Variants in TMEM62 observed in about 807,000 individuals in gnomAD.
TMEM62 encodes transmembrane protein 62.
A neutral mutation model predicts 70.4 loss-of-function variants in TMEM62; 41 were observed. That is an observed-to-expected ratio of 0.58 (90% CI 0.45 to 0.76). The LOEUF is 0.76. TMEM62 is among the 30% of genes least tolerant of loss of function. The pLI is 0.00. For missense variants in TMEM62, 688 were observed against 788.5 expected (o/e 0.87, Z 1.53); for synonymous variants, 268 against 291.0 (o/e 0.92, Z 0.80).
rs780706370 is a variant in TMEM62, at chr15:43,149,174, G to A, written c.866+23G>A. On this transcript the variant is annotated intron_variant, in intron 7 of 13. Coordinates refer to ENST00000260403, the MANE Select transcript of TMEM62 (RefSeq NM_024956.4). The stretch of plus-strand genomic sequence containing the variant: ...GAGGTAAGGGAACCTCCCCATAGAA[G>A]AAAACTTATACACATAAGTTTTGCC... The A allele has an allele frequency of 3.1e-6, 5 of 1,612,132 alleles. No homozygotes were observed. The South Asian group carries it at 4.4e-5, about 14-fold the overall frequency.
chr15:43,158,828 G>A (rs1375769363), intron 9 of TMEM62, among the ~76,000 whole-genome samples: 1 of 152,116 alleles, frequency 6.6e-6, no homozygotes, highest in African/African-American at 2.4e-5. Context: ...TGCCAAAGGT[G>A]ACTGAGTCTT....
chr15:43,154,927 T>C, intron 9 of TMEM62, 96 bp downstream of exon 9: 1 of 1,175,762 alleles, frequency 8.5e-7, no homozygotes, highest in Non-Finnish European at 1.2e-6. Flanking sequence ...AATGAAACCA[T>C]GTTTAAAAAA....
intron 4 of TMEM62, among the ~76,000 whole-genome samples, chr15:43,140,326 C>T (rs111744819): frequency 8.5e-5 from 13 of 152,304 alleles, no homozygotes; most frequent in Admixed American, 3.9e-4. Context: ...GCCACCTTCT[C>T]GGCCTCCTTC....
rs145916983 is a variant in TMEM62, at chr15:43,164,105, G to A, written c.1296+3311G>A. Reference sequence around the variant, plus strand: ...GAAAGTGGACTATTTTAATTTGATTGCTTAATATAATTGTATAAAATTACT... The same window carrying A: ...GAAAGTGGACTATTTTAATTTGATTACTTAATATAATTGTATAAAATTACT... On this transcript the variant is annotated intron_variant, in intron 10 of 13. Coordinates refer to ENST00000260403, the MANE Select transcript of TMEM62 (RefSeq NM_024956.4). Among the ~76,000 whole-genome samples, 596 of 152,304 alleles carry A rather than the reference G, an allele frequency of 3.9e-3. 3 individuals are homozygous for A. The highest frequency in any genetic ancestry group is 6.4e-3 in the Non-Finnish European group (436 of 68,026).
intron 4 of TMEM62, among the ~76,000 whole-genome samples, chr15:43,142,699 C>T (rs2036206262): frequency 6.7e-6 from 1 of 149,462 alleles, no homozygotes; most frequent in Non-Finnish European, 1.5e-5. Context: ...GAGACAGGGT[C>T]TCTCTGTCAC....
rs182042299 is a variant in TMEM62 at position 43,162,861 on chromosome 15, T to A, written c.1296+2067T>A. Among the ~76,000 whole-genome samples the A allele has an allele frequency of 6.0e-4, 91 of 152,238 alleles. 1 individual carries two copies. The highest frequency in any genetic ancestry group is 1.1e-3 in the Admixed American group (17 of 15,300). On this transcript the variant is annotated intron_variant, in intron 10 of 13. Coordinates refer to ENST00000260403, the MANE Select transcript of TMEM62 (RefSeq NM_024956.4). ...CTCTAATATAGTTTCTTGGGATCAA[T>A]TTCTAGAAGTGAATTTCTGGATCAA...
At chr15:43,162,037 T>C (rs1193749500) in intron 10 of TMEM62, among the ~76,000 whole-genome samples, 1 of 152,178 alleles carries the variant, frequency 6.6e-6, no homozygotes, top group Non-Finnish European at 1.5e-5. Flanking sequence ...TGCTGTCTGA[T>C]TTTTTTCCAC....
Position 43,135,566 on chromosome 15 carries a change from T to C in TMEM62, c.347T>C (p.Val116Ala). Residue 116 changes from valine to alanine, a missense_variant, in exon 3 of 14, where the codon GTA (valine) becomes GCA (alanine). Physicochemically the swap from Val to Ala is moderately conservative, Grantham distance 64 (BLOSUM62 0). Coordinates refer to ENST00000260403, the MANE Select transcript of TMEM62 (RefSeq NM_024956.4). Reference protein sequence around the residue: ...KEQLGSRQHEVEWQTYQGILK... With the variant: ...KEQLGSRQHEAEWQTYQGILK... ...CAGTTGGGATCCAGGCAGCATGAGG[T>C]AGAATGGCAAACCTACCAGGGTATT... 4 of 1,611,864 alleles carry C rather than the reference T, an allele frequency of 2.5e-6. No homozygotes were observed. Among genetic ancestry groups the C allele is most frequent in the Non-Finnish European group, 3.4e-6 (4 of 1,179,582 alleles).
intron 10 of TMEM62, chr15:43,169,021 A>C (rs1040482771): frequency 6.6e-6 from 1 of 152,560 alleles, no homozygotes; most frequent in South Asian, 2.1e-4. Flanking sequence ...AAAGTCTCAC[A>C]GTCATTTTGC....
Position 43,149,022 on chromosome 15 carries a change from TG to T in TMEM62, c.744-5del. ...TTCATTTATTTCATTTATTTTTCAT[TG>T]GTTAGTTCGGCTATAGCTTATTTGT... is the stretch of plus-strand genomic sequence containing the variant. On this transcript the variant is annotated splice_polypyrimidine_tract_variant and splice_region_variant and intron_variant, in intron 6 of 13. Transcript: ENST00000260403. The T allele has an allele frequency of 6.2e-7, 1 of 1,612,988 alleles. No homozygotes were observed. The highest frequency in any genetic ancestry group is 1.3e-5 in the African/African-American group (1 of 74,994).
At chr15:43,173,304 A>C (rs373516757) in intron 11 of TMEM62, among the ~76,000 whole-genome samples, 1 of 152,232 alleles carries the variant, frequency 6.6e-6, no homozygotes, top group African/African-American at 2.4e-5. Flanking sequence ...ATAGACTCCT[A>C]ACTGCTGCTC....
In TMEM62 at chr15:43,134,461, A is replaced by G. The variant is rs1003421474; in HGVS notation, c.292+93A>G. 3.1e-6 allele frequency: 3 copies of G among 970,278 alleles called. No individual in the cohort carries two copies. The African/African-American group carries it at 4.8e-5, about 16-fold the overall frequency. The allele number at this position is 970,278 out of a possible 1,614,324, so 60.1% of individuals were successfully genotyped here. ...GGCTTTTCATTTTGGGGACGTTGGG[A>G]GCAGTATAGCCACAGCCCCAGGTGA... is the stretch of plus-strand genomic sequence containing the variant. On this transcript the variant is annotated intron_variant, in intron 2 of 13. Transcript: ENST00000260403.
chr15:43,181,371 A>C, intron 13 of TMEM62, 72 bp downstream of exon 13: 1 of 950,556 alleles, frequency 1.1e-6, no homozygotes, highest in Non-Finnish European at 1.7e-6. Flanking sequence ...TTATGAATTA[A>C]ATCCAAAATC....
At chr15:43,171,524 C>A (rs1437671484) in intron 11 of TMEM62, among the ~76,000 whole-genome samples, 2 of 148,320 alleles carry the variant, frequency 1.3e-5, no homozygotes, top group African/African-American at 5.0e-5. Context: ...TACCATAAGA[C>A]AAAAAAATTA....
chr15:43,166,623 C>T (rs1404265864), intron 10 of TMEM62, among the ~76,000 whole-genome samples: 2 of 150,730 alleles, frequency 1.3e-5, no homozygotes, highest in Non-Finnish European at 2.9e-5. Context: ...GGCAGGATCA[C>T]AGGACAATAG....
intron 4 of TMEM62, 183 bp from the exon 5 acceptor site, chr15:43,146,310 G>A: frequency 1.9e-6 from 1 of 531,580 alleles, no homozygotes. Context: ...TGAGTCTTTG[G>A]GGACAATGGG....
chr15:43,145,685 T>A (rs138721930), intron 4 of TMEM62, among the ~76,000 whole-genome samples: 1 of 152,346 alleles, frequency 6.6e-6, no homozygotes, highest in African/African-American at 2.4e-5. Context: ...AGGAGTTTAT[T>A]TGTATTTTTA....
intron 11 of TMEM62, among the ~76,000 whole-genome samples, chr15:43,170,094 G>GA (rs2040027009): frequency 6.6e-6 from 1 of 152,166 alleles, no homozygotes; most frequent in Admixed American, 6.5e-5. Context: ...TATACTGGGT[G>GA]AAAAATGACC....
chr15:43,175,058 T>C (rs1205974495), intron 11 of TMEM62, among the ~76,000 whole-genome samples: 5 of 152,170 alleles, frequency 3.3e-5, no homozygotes, highest in Non-Finnish European at 5.9e-5. Flanking sequence ...AGCATGAGTA[T>C]TTTCTAAAAG....
Sources: allele counts gnomAD v4.1 joint callset (sites outside exome capture counted in the v4.1 genomes callset), GRCh38; gene constraint gnomAD v4.1.1; transcripts MANE v1.5; gene names NCBI Gene and HGNC (gene_info 2026-07-23, HGNC 2026-07-21).